VPS53: variants seen among roughly 807,000 people sequenced by gnomAD.
The protein encoded by VPS53 is VPS53 subunit of GARP complex, also known as vacuolar protein sorting-associated protein 53 homolog.
A neutral mutation model predicts 107.0 loss-of-function variants in VPS53; 70 were observed. The ratio of observed to expected loss-of-function variants is 0.65; its 90% confidence interval spans 0.54 to 0.80. The LOEUF (loss-of-function observed/expected upper bound fraction) is 0.80, where lower values mean the gene tolerates loss of function less well. VPS53 is among the 30% of genes least tolerant of loss of function. The pLI, the probability that VPS53 is intolerant of heterozygous loss-of-function variation, is 0.00. For synonymous variants in VPS53, 409 were observed against 393.3 expected, an observed-to-expected ratio of 1.04 and a Z score of -0.47; for missense variants, 917 against 1,049.4, an observed-to-expected ratio of 0.87 and a Z score of 1.74.
intron 7 of VPS53, among the ~76,000 whole-genome samples, chr17:652,346 A>G (rs1307267666): frequency 1.3e-5 from 2 of 152,210 alleles, no homozygotes; most frequent in Admixed American, 6.5e-5. Context: ...CCCATCCCAC[A>G]TGCTTTTTGT....
At chr17:694,312 T>C (rs2143887151) in intron 4 of VPS53, among the ~76,000 whole-genome samples, 1 of 152,266 alleles carries the variant, frequency 6.6e-6, no homozygotes, top group East Asian at 1.9e-4. Flanking sequence ...TAATACGGGA[T>C]GGGGGAGAAC....
chr17:568,977 G>C (rs967162558), intron 13 of VPS53, among the ~76,000 whole-genome samples: 1 of 152,132 alleles, frequency 6.6e-6, no homozygotes, highest in Non-Finnish European at 1.5e-5. Flanking sequence ...CTCAGCCAAG[G>C]CAATCTGGAA....
intron 12 of VPS53, among the ~76,000 whole-genome samples, chr17:592,243 T>C (rs540966497): frequency 2.3e-4 from 35 of 152,362 alleles, no homozygotes; most frequent in Admixed American, 9.2e-4. Context: ...ATTTGCTTGG[T>C]AGATCTTCCT....
rs184307504 is a variant in VPS53, at chr17:566,837, G to A, written c.1314-4092C>T. ...CAGCTCACTGCAACCTCTGCCTCCC[G>A]GGTTCAAGTGATTCTACTGCCTCAG... On this transcript the variant is annotated intron_variant, in intron 13 of 21. Transcript: ENST00000437048. Among the ~76,000 whole-genome samples the A allele has an allele frequency of 8.2e-3, 1,245 of 151,852 alleles. 9 individuals are homozygous for A. The highest frequency in any genetic ancestry group is 0.014 in the Non-Finnish European group (943 of 67,938).
intron 11 of VPS53, among the ~76,000 whole-genome samples, chr17:618,549 C>T (rs1419450027): frequency 3.3e-5 from 5 of 151,534 alleles, no homozygotes; most frequent in South Asian, 2.1e-4. Context: ...TACAGGCATG[C>T]GCCATCAGGC....
In VPS53 at chr17:661,915, T is replaced by A. The variant is rs1043571257; in HGVS notation, c.286-20A>T. ...AAGCGCCTAGAGTAAGGGAAATACATGAAAAACAAAAAGTGGCTAGAGACA... is the reference window on the plus strand; with the variant it reads ...AAGCGCCTAGAGTAAGGGAAATACAAGAAAAACAAAAAGTGGCTAGAGACA... On this transcript the variant is annotated intron_variant, in intron 4 of 21. Transcript: ENST00000437048. The A allele has an allele frequency of 3.2e-6, 5 of 1,545,204 alleles. No individual in the cohort carries two copies. Among genetic ancestry groups the A allele is most frequent in the Admixed American group, 4.0e-5 (2 of 49,598 alleles).
intron 13 of VPS53, among the ~76,000 whole-genome samples, chr17:575,516 A>G (rs530830702): frequency 1.5e-4 from 23 of 152,028 alleles, no homozygotes; most frequent in African/African-American, 5.1e-4. Flanking sequence ...GTTCCCAGAG[A>G]ATGTCCCTCA....
At chr17:612,647 A>C (rs910475135) in intron 11 of VPS53, among the ~76,000 whole-genome samples, 1 of 150,590 alleles carries the variant, frequency 6.6e-6, no homozygotes, top group Non-Finnish European at 1.5e-5. Flanking sequence ...ACACAGCGAA[A>C]ACCTGTACAG....
chr17:598,206 G>A (rs1033055967), intron 12 of VPS53, among the ~76,000 whole-genome samples: 55 of 152,206 alleles, frequency 3.6e-4, no homozygotes, highest in Non-Finnish European at 3.4e-4. Context: ...CAAGTGATCC[G>A]CCAGCCTCGG....
At chr17:594,367 G>A (rs1376849516) in intron 12 of VPS53, among the ~76,000 whole-genome samples, 4 of 152,264 alleles carry the variant, frequency 2.6e-5, no homozygotes, top group African/African-American at 9.6e-5. Flanking sequence ...GCATGGGCTG[G>A]AGGGCAACAC....
chr17:649,423 A>C (rs556000711), intron 7 of VPS53, among the ~76,000 whole-genome samples: 13 of 56,678 alleles, frequency 2.3e-4, no homozygotes, highest in South Asian at 7.3e-4. Context: ...GGAACAGGCA[A>C]TGAAGATCTT....
Position 628,089 on chromosome 17 carries a change from T to C in VPS53, c.830A>G (p.Asp277Gly). 6.2e-7 allele frequency: 1 copy of C among 1,611,080 alleles called. No homozygotes were observed. The highest frequency in any genetic ancestry group is 8.5e-7 in the Non-Finnish European group (1 of 1,179,086). ...TGATCTTATTTGGTCAATACTCACA[T>C]CTTGGTTTTCTTGAAAAAGTACCAG... Reference protein sequence around the residue: ...EYLVLFQENQDVAWLDKIDRR... With the variant: ...EYLVLFQENQGVAWLDKIDRR... Residue 277 changes from aspartate to glycine, a missense_variant and splice_region_variant, in exon 9 of 22, where the codon GAT (aspartate) becomes GGT (glycine). Transcript: ENST00000437048.
intron 13 of VPS53, among the ~76,000 whole-genome samples, chr17:582,487 C>T (rs930951376): frequency 2.7e-5 from 4 of 147,622 alleles, no homozygotes; most frequent in Admixed American, 2.1e-4. Context: ...CTAGTGCATT[C>T]CCAGAGAACA....
chr17:637,452 T>C (rs2143261800), intron 7 of VPS53, among the ~76,000 whole-genome samples: 1 of 152,342 alleles, frequency 6.6e-6, no homozygotes, highest in Non-Finnish European at 1.5e-5. Context: ...ATTTCTTGAC[T>C]TCTGCGAGCT....
At chr17:660,534 A>T (rs1971397484) in intron 5 of VPS53, among the ~76,000 whole-genome samples, 1 of 152,198 alleles carries the variant, frequency 6.6e-6, no homozygotes, top group Admixed American at 6.5e-5. Flanking sequence ...CATCATAAGG[A>T]TATCAATAAA....
In VPS53 at chr17:697,356, G is replaced by C. The variant is rs1973010312; in HGVS notation, c.285+62C>G. On this transcript the variant is annotated intron_variant, in intron 4 of 21. Coordinates refer to ENST00000437048, the MANE Select transcript of VPS53 (RefSeq NM_001128159.3). ...TGCAAGAGGGCACATCGACGTTTTG[G>C]TCATCTGGTTGCCGGGAGAAACCAG... 5 of 1,381,412 alleles carry C rather than the reference G, an allele frequency of 3.6e-6. No homozygotes were observed. The Admixed American group carries it at 5.1e-5, about 14-fold the overall frequency. The allele number at this position is 1,381,412 out of a possible 1,614,324, so 85.6% of individuals were successfully genotyped here.
At chr17:687,450 C>G (rs1972626585) in intron 4 of VPS53, among the ~76,000 whole-genome samples, 1 of 152,072 alleles carries the variant, frequency 6.6e-6, no homozygotes, top group Non-Finnish European at 1.5e-5. Flanking sequence ...GTGGCACATG[C>G]CTGTAGTCCC....
At chr17:693,729 CATG>C (rs1972852163) in intron 4 of VPS53, among the ~76,000 whole-genome samples, 1 of 152,108 alleles carries the variant, frequency 6.6e-6, no homozygotes, top group Non-Finnish European at 1.5e-5. Flanking sequence ...CTGTCCCTAA[CATG>C]ATAATAATAA....
chr17:627,059 T>C, intron 10 of VPS53, 115 bp downstream of exon 10: 1 of 1,356,406 alleles, frequency 7.4e-7, no homozygotes, highest in Non-Finnish European at 9.9e-7. Context: ...ATTAGTCATC[T>C]GGTGGGGTCT....
Sources: allele counts gnomAD v4.1 joint callset (sites outside exome capture counted in the v4.1 genomes callset), GRCh38; gene constraint gnomAD v4.1.1; transcripts MANE v1.5; gene names NCBI Gene and HGNC (gene_info 2026-07-23, HGNC 2026-07-21).